Variants in ZFAND3 observed in about 807,000 individuals in gnomAD.
ZFAND3 encodes the protein AN1-type zinc finger protein 3.
In ZFAND3, 10 loss-of-function variants were observed where a neutral mutation model predicts 29.6. The ratio of observed to expected loss-of-function variants is 0.34; its 90% CI spans 0.21 to 0.57. ZFAND3 has a LOEUF of 0.57. ZFAND3 is among the 20% of genes least tolerant of loss of function. The pLI is 0.86. For missense variants in ZFAND3, 230 were observed against 304.5 expected (o/e 0.76, Z 1.82); for synonymous variants, 128 against 112.6 (o/e 1.14, Z -0.87).
intron 2 of ZFAND3, among the ~76,000 whole-genome samples, chr6:38,011,837 G>A (rs1019470294): frequency 3.9e-5 from 6 of 152,192 alleles, no homozygotes; most frequent in African/African-American, 1.2e-4. Context: ...AAGAGGATTC[G>A]GGGAAGGTAA....
intron 1 of ZFAND3, among the ~76,000 whole-genome samples, chr6:37,841,415 A>G (rs1764072533): frequency 6.6e-6 from 1 of 152,146 alleles, no homozygotes; most frequent in African/African-American, 2.4e-5. Context: ...GACTCAATAC[A>G]TTTACCCTTC....
chr6:38,006,487 A>G (rs577642921), intron 2 of ZFAND3, among the ~76,000 whole-genome samples: 2 of 152,106 alleles, frequency 1.3e-5, no homozygotes, highest in South Asian at 2.1e-4. Flanking sequence ...TTTTGTCCTC[A>G]TTCAGTATTA....
At chr6:37,829,084 A>G (rs1025717174) in intron 1 of ZFAND3, among the ~76,000 whole-genome samples, 2 of 152,156 alleles carry the variant, frequency 1.3e-5, no homozygotes, top group African/African-American at 4.8e-5. Context: ...TACTGCATGC[A>G]GTTTAGTTTG....
chr6:38,005,185 C>T (rs989347516), intron 2 of ZFAND3, among the ~76,000 whole-genome samples: 1 of 152,074 alleles, frequency 6.6e-6, no homozygotes, highest in Non-Finnish European at 1.5e-5. Flanking sequence ...CATTTCAAAC[C>T]CCAGGAGCTC....
chr6:37,893,407 T>C (rs1765139143), intron 1 of ZFAND3, among the ~76,000 whole-genome samples: 1 of 152,232 alleles, frequency 6.6e-6, no homozygotes, highest in Admixed American at 6.5e-5. Context: ...CAACAAACTA[T>C]GAATCGAGTG....
At position 38,154,402 on chromosome 6, in the gene ZFAND3, C is replaced by T. The variant is rs1766309125; in HGVS notation, c.*2013C>T. ...GGGGGTGGGGGGTGGGGCTTGTTCC[C>T]CTGCAGTATCTGTTCTGTGAAGTTT... On this transcript the variant is annotated 3_prime_UTR_variant, in exon 6 of 6. Transcript: ENST00000287218. The T allele has an allele frequency of 1.0e-6, 1 of 985,330 alleles. No homozygotes were observed. The highest frequency in any genetic ancestry group is 1.2e-6 in the Non-Finnish European group (1 of 829,694). The allele number at this position is 985,330 out of a possible 1,614,324, so 61.0% of individuals were successfully genotyped here. A position where few individuals can be genotyped will look rare whatever the true frequency, so the allele number is the denominator to read the frequency against.
intron 3 of ZFAND3, among the ~76,000 whole-genome samples, chr6:38,073,939 T>C (rs752928411): frequency 2.0e-5 from 3 of 152,242 alleles, no homozygotes; most frequent in Non-Finnish European, 4.4e-5. Context: ...CTTTATTTAC[T>C]TAAATATTCA....
intron 1 of ZFAND3, among the ~76,000 whole-genome samples, chr6:37,881,623 G>A (rs759051026): frequency 6.6e-6 from 1 of 152,142 alleles, no homozygotes; most frequent in Non-Finnish European, 1.5e-5. Context: ...GAGCTTTGCT[G>A]TTTTCAGATC....
chr6:38,100,221 G>A (rs926442952), intron 4 of ZFAND3, among the ~76,000 whole-genome samples: 3 of 151,988 alleles, frequency 2.0e-5, no homozygotes, highest in African/African-American at 7.2e-5. Context: ...ACACCACCAC[G>A]CCAAGCTCGT....
At chr6:37,899,087 G>GA (rs1356240346) in intron 1 of ZFAND3, among the ~76,000 whole-genome samples, 7 of 152,082 alleles carry the variant, frequency 4.6e-5, no homozygotes, top group Non-Finnish European at 1.0e-4. Flanking sequence ...TTTTAGTAGA[G>GA]ACGGGGTTTC....
At chr6:38,057,060 G>GT (rs67405817) in intron 2 of ZFAND3, among the ~76,000 whole-genome samples, 15,040 of 152,148 alleles carry the variant, frequency 0.099, 1,196 homozygotes, top group East Asian at 0.38. Flanking sequence ...TTATTCCTAA[G>GT]TTTTTTTCTC....
At chr6:37,899,020 C>G (rs1314597339) in intron 1 of ZFAND3, among the ~76,000 whole-genome samples, 1 of 152,206 alleles carries the variant, frequency 6.6e-6, no homozygotes, top group East Asian at 1.9e-4. Flanking sequence ...CTCAGCCTCG[C>G]AAGTAGCCGG....
chr6:37,846,577 C>T (rs113411119), intron 1 of ZFAND3, among the ~76,000 whole-genome samples: 1 of 152,106 alleles, frequency 6.6e-6, no homozygotes, highest in African/African-American at 2.4e-5. Flanking sequence ...TTGGACGTTG[C>T]AGATATTTAC....
intron 3 of ZFAND3, among the ~76,000 whole-genome samples, chr6:38,075,218 T>C (rs1489078642): frequency 1.3e-5 from 2 of 152,202 alleles, no homozygotes; most frequent in Non-Finnish European, 2.9e-5. Flanking sequence ...ATTCCTCTCA[T>C]GGATCGGCCA....
intron 2 of ZFAND3, among the ~76,000 whole-genome samples, chr6:37,934,635 G>A (rs1302605634): frequency 3.3e-5 from 5 of 151,054 alleles, no homozygotes; most frequent in South Asian, 2.1e-4. Context: ...TCAGGAGTTC[G>A]AGACTAGCCT....
chr6:38,103,465 ACG>A lies in ZFAND3; in HGVS notation c.362-13106_362-13105del, dbSNP rs1491482199. 0.016 allele frequency among the ~76,000 whole-genome samples: 2,257 copies of A among 145,034 alleles called. 188 individuals carry two copies. In the East Asian group the frequency reaches 0.25, roughly 16 times the overall value. The stretch of plus-strand genomic sequence containing the variant: ...TGTATATATATACACACATATATAC[ACG>A]TGTATATATATACACACATATATAC... On this transcript the variant is annotated intron_variant, in intron 4 of 5. Transcript: ENST00000287218.
At chr6:38,098,305 C>T (rs896741090) in intron 4 of ZFAND3, among the ~76,000 whole-genome samples, 2 of 152,068 alleles carry the variant, frequency 1.3e-5, no homozygotes, top group African/African-American at 4.8e-5. Context: ...TGCCACCGTC[C>T]CCGGCTAATT....
At chr6:37,850,416 C>CCTGCATGTAGTGCAGGATA (rs1339864360) in intron 1 of ZFAND3, among the ~76,000 whole-genome samples, 8 of 152,244 alleles carry the variant, frequency 5.3e-5, no homozygotes, top group Admixed American at 5.2e-4. Flanking sequence ...AAGTCACTGC[C>CCTGCATGTAGTGCAGGATA]CTCATGTATC....
chr6:37,920,190 T>C (rs113552493), intron 1 of ZFAND3, among the ~76,000 whole-genome samples: 57 of 152,080 alleles, frequency 3.7e-4, no homozygotes, highest in African/African-American at 1.3e-3. Flanking sequence ...CCTTATCTTA[T>C]GTTTGGGGAT....
Sources: gnomAD v4.1 joint callset for allele counts (sites outside exome capture counted in the v4.1 genomes callset) on GRCh38, gnomAD v4.1.1 for gene constraint, MANE v1.5 for transcripts, NCBI Gene and HGNC (gene_info 2026-07-23, HGNC 2026-07-21) for gene names.